Variants in RPS6KC1 observed in about 807,000 individuals in gnomAD.
RPS6KC1 encodes inactive ribosomal protein S6 kinase delta-1.
Under a neutral mutation model 103.8 loss-of-function variants are expected in RPS6KC1, and 54 were observed. The observed-to-expected ratio is 0.52, with a 90% CI of 0.42 to 0.65. The LOEUF is 0.65. Ranked by LOEUF, RPS6KC1 falls within the 30% of genes least tolerant of loss-of-function variation. The pLI is 0.00. For missense variants in RPS6KC1, 1,151 were observed against 1,253.8 expected (o/e 0.92, Z 1.24); for synonymous variants, 439 against 438.7 (o/e 1.00, Z -0.01).
the RPS6KC1 span, among the ~76,000 whole-genome samples, chr1:213,459,527 A>G: frequency 6.6e-6 from 1 of 151,548 alleles, no homozygotes; most frequent in Non-Finnish European, 1.5e-5. Context: ...TTAATCTTTT[A>G]AAAAAAACCA....
At chr1:213,157,401 GT>G (rs2090016698) in intron 6 of RPS6KC1, among the ~76,000 whole-genome samples, 1 of 151,852 alleles carries the variant, frequency 6.6e-6, no homozygotes, top group Admixed American at 6.6e-5. Context: ...TAGAGACGGG[GT>G]TTCACCGTGT....
At chr1:213,488,043 C>T in the RPS6KC1 span, among the ~76,000 whole-genome samples, 1 of 152,164 alleles carries the variant, frequency 6.6e-6, no homozygotes, top group African/African-American at 2.4e-5. Context: ...CTTCTTGATT[C>T]CTTCCCTAGA....
At chr1:213,053,177 A>G (rs962617154) in intron 1 of RPS6KC1, among the ~76,000 whole-genome samples, 1 of 152,206 alleles carries the variant, frequency 6.6e-6, no homozygotes, top group African/African-American at 2.4e-5. Context: ...TTAGTTTCCT[A>G]ACACATAGTG....
At chr1:213,389,611 G>T in the RPS6KC1 span, among the ~76,000 whole-genome samples, 1 of 152,202 alleles carries the variant, frequency 6.6e-6, no homozygotes, top group African/African-American at 2.4e-5. Flanking sequence ...CACCCCCGAG[G>T]CCCGGGCTCC....
chr1:213,311,016 C>T, the RPS6KC1 span, among the ~76,000 whole-genome samples: 15 of 152,242 alleles, frequency 9.9e-5, no homozygotes, highest in Non-Finnish European at 1.9e-4. Flanking sequence ...CGAAGACACT[C>T]GTTCAGAGCC....
the RPS6KC1 span, among the ~76,000 whole-genome samples, chr1:213,785,857 A>G: frequency 6.6e-6 from 1 of 152,196 alleles, no homozygotes; most frequent in South Asian, 2.1e-4. Flanking sequence ...GTAGAAAGCC[A>G]TCATCCCACT....
the RPS6KC1 span, among the ~76,000 whole-genome samples, chr1:213,669,398 G>A: frequency 8.5e-4 from 130 of 152,258 alleles, no homozygotes; most frequent in African/African-American, 2.8e-3. Flanking sequence ...CAACACACAC[G>A]TTTATTGATT....
At chr1:213,409,724 A>T in the RPS6KC1 span, among the ~76,000 whole-genome samples, 1 of 152,248 alleles carries the variant, frequency 6.6e-6, no homozygotes, top group Non-Finnish European at 1.5e-5. Flanking sequence ...TGTTTAGTGC[A>T]TGCTCTGTGT....
chr1:213,216,576 C>G (rs1322038961), intron 8 of RPS6KC1, among the ~76,000 whole-genome samples: 2 of 152,140 alleles, frequency 1.3e-5, no homozygotes, highest in African/African-American at 4.8e-5. Context: ...ACATTTTTTT[C>G]AGCACCACAC....
At chr1:213,484,987 C>T in the RPS6KC1 span, among the ~76,000 whole-genome samples, 3 of 152,144 alleles carry the variant, frequency 2.0e-5, no homozygotes. Flanking sequence ...TTCAGCCTCC[C>T]AAGTAGCTGG....
the RPS6KC1 span, among the ~76,000 whole-genome samples, chr1:213,581,626 G>A: frequency 2.0e-5 from 3 of 152,114 alleles, no homozygotes; most frequent in South Asian, 6.2e-4. Flanking sequence ...GGTGGCTCCA[G>A]CCAGCCAAGG....
Position 213,118,021 on chromosome 1 carries a change from C to CAAAAAAAAAAAAAAAAAAAAAAAA in RPS6KC1, c.472+629_472+630insAAAAAAAAAAAAAAAAAAAAAAAA, listed in dbSNP as rs59318173. On this transcript the variant is annotated intron_variant, in intron 5 of 14. Transcript: ENST00000366960. ...TGGACAACAAAGCAAGACTTTGTCT[C>CAAAAAAAAAAAAAAAAAAAAAAAA]AAAAAAAAAAAAAAAAAAGCCTTAC... Among the ~76,000 whole-genome samples, 74 of 34,186 alleles carry CAAAAAAAAAAAAAAAAAAAAAAAA rather than the reference C, an allele frequency of 2.2e-3. 16 individuals are homozygous for CAAAAAAAAAAAAAAAAAAAAAAAA. Among genetic ancestry groups the CAAAAAAAAAAAAAAAAAAAAAAAA allele is most frequent in the Middle Eastern group, 0.014 (1 of 70 alleles). The allele number at this position is 34,186 out of a possible 152,430, so 22.4% of individuals were successfully genotyped here. A position where few individuals can be genotyped will look rare whatever the true frequency, so the allele number is the denominator to read the frequency against.
At chr1:213,624,184 G>A in the RPS6KC1 span, among the ~76,000 whole-genome samples, 2 of 152,158 alleles carry the variant, frequency 1.3e-5, no homozygotes, top group East Asian at 3.9e-4. Context: ...CTCCAGACAG[G>A]CACTTGGGCA....
At chr1:213,226,578 G>T (rs2093968194) in intron 8 of RPS6KC1, among the ~76,000 whole-genome samples, 1 of 152,044 alleles carries the variant, frequency 6.6e-6, no homozygotes, top group South Asian at 2.1e-4. Flanking sequence ...CTTTACTATT[G>T]AAAGGCTTAT....
the RPS6KC1 span, among the ~76,000 whole-genome samples, chr1:213,485,565 G>A: frequency 2.0e-5 from 3 of 152,134 alleles, no homozygotes; most frequent in Non-Finnish European, 4.4e-5. Context: ...ATTATCTAGT[G>A]TATTACCTAA....
the RPS6KC1 span, among the ~76,000 whole-genome samples, chr1:213,458,378 T>C: frequency 2.8e-4 from 2 of 7,022 alleles, no homozygotes; most frequent in African/African-American, 1.9e-3. Context: ...AACGTAACAC[T>C]TTTTTTTTAA....
the RPS6KC1 span, among the ~76,000 whole-genome samples, chr1:213,425,832 G>A: frequency 6.6e-6 from 1 of 152,160 alleles, no homozygotes; most frequent in East Asian, 1.9e-4. Context: ...CCCTGCTGCT[G>A]CTGCTGCGGT....
At chr1:213,299,695 A>G in the RPS6KC1 span, among the ~76,000 whole-genome samples, 1 of 152,210 alleles carries the variant, frequency 6.6e-6, no homozygotes, top group Non-Finnish European at 1.5e-5. Flanking sequence ...TATGTAATGA[A>G]TAGAAAATGG....
the RPS6KC1 span, among the ~76,000 whole-genome samples, chr1:213,738,580 A>C: frequency 6.6e-6 from 1 of 152,270 alleles, no homozygotes; most frequent in South Asian, 2.1e-4. Context: ...AAATTAAAAA[A>C]TGTGTAAATA....
Sources: allele counts gnomAD v4.1 joint callset (sites outside exome capture counted in the v4.1 genomes callset), GRCh38; gene constraint gnomAD v4.1.1; transcripts MANE v1.5; gene names NCBI Gene and HGNC (gene_info 2026-07-23, HGNC 2026-07-21).